The following EVA1C variants were observed in gnomAD, a reference collection of about 807,000 sequenced individuals.
The protein encoded by EVA1C is eva-1 homolog C.
A neutral mutation model predicts 45.4 loss-of-function variants in EVA1C; 25 were observed. The observed-to-expected ratio is 0.55, with a 90% CI of 0.40 to 0.77. The LOEUF (loss-of-function observed/expected upper bound fraction) is 0.77, where lower values mean the gene tolerates loss of function less well. Among genes scored for constraint, EVA1C ranks in the 30% least tolerant of loss-of-function variants. EVA1C has a pLI of 0.00. For synonymous variants in EVA1C, 190 were observed against 221.2 expected (o/e 0.86, Z 1.25); for missense variants, 479 against 554.8 (o/e 0.86, Z 1.37).
intron 7 of EVA1C, among the ~76,000 whole-genome samples, chr21:32,507,574 G>A (rs554419805): frequency 8.6e-5 from 13 of 152,030 alleles, no homozygotes; most frequent in Non-Finnish European, 1.6e-4. Context: ...GTGTGTGCAT[G>A]TGTATATGTG....
chr21:32,425,343 A>G (rs1480224996), intron 1 of EVA1C, among the ~76,000 whole-genome samples: 1 of 150,656 alleles, frequency 6.6e-6, no homozygotes, highest in Non-Finnish European at 1.5e-5. Context: ...TCAAAAAAAA[A>G]AAAAAAAAAA....
At chr21:32,496,780 T>C (rs1205744744) in intron 5 of EVA1C, 1 of 715,174 alleles carries the variant, frequency 1.4e-6, no homozygotes, top group African/African-American at 1.7e-5. Context: ...GAGACACTGC[T>C]GGGCTGGGGC....
chr21:32,419,216 A>G (rs1247755593), intron 1 of EVA1C, among the ~76,000 whole-genome samples: 1 of 152,162 alleles, frequency 6.6e-6, no homozygotes, highest in African/African-American at 2.4e-5. Flanking sequence ...TTTGGAGGTC[A>G]CTGATCTTCA....
intron 1 of EVA1C, among the ~76,000 whole-genome samples, chr21:32,446,937 T>A (rs1244974390): frequency 6.6e-6 from 1 of 152,194 alleles, no homozygotes; most frequent in Admixed American, 6.5e-5. Context: ...ATTCCCTCAC[T>A]CTGACCTTGC....
intron 1 of EVA1C, among the ~76,000 whole-genome samples, chr21:32,421,684 C>T (rs897528773): frequency 9.9e-5 from 15 of 152,266 alleles, no homozygotes; most frequent in Non-Finnish European, 5.9e-5. Flanking sequence ...ATTATGATCA[C>T]ACAATTCAAA....
intron 7 of EVA1C, among the ~76,000 whole-genome samples, chr21:32,511,290 T>C (rs1281711032): frequency 6.6e-6 from 1 of 151,432 alleles, no homozygotes; most frequent in Non-Finnish European, 1.5e-5. Context: ...GGCATGCACC[T>C]GTAATCCCAG....
chr21:32,485,986 G>A (rs2036960221), intron 4 of EVA1C, among the ~76,000 whole-genome samples: 1 of 152,210 alleles, frequency 6.6e-6, no homozygotes, highest in Non-Finnish European at 1.5e-5. Context: ...CACCTTGTAA[G>A]GTTTCGGCAT....
At chr21:32,483,151 G>A (rs1160911367) in intron 4 of EVA1C, among the ~76,000 whole-genome samples, 3 of 152,048 alleles carry the variant, frequency 2.0e-5, no homozygotes, top group Non-Finnish European at 2.9e-5. Context: ...GAGCCACCAC[G>A]CCCGGCCCTC....
intron 3 of EVA1C, among the ~76,000 whole-genome samples, chr21:32,459,957 T>A (rs1017722677): frequency 6.6e-6 from 1 of 151,892 alleles, no homozygotes; most frequent in East Asian, 1.9e-4. Context: ...ATGTTTGAAA[T>A]GTTTCATAAT....
chr21:32,460,125 G>C (rs921636132), intron 3 of EVA1C, among the ~76,000 whole-genome samples: 1 of 152,106 alleles, frequency 6.6e-6, no homozygotes, highest in Non-Finnish European at 1.5e-5. Context: ...CTTTGCACAG[G>C]AGTGGAATAT....
At chr21:32,513,052 A>G (rs2146481890) in intron 7 of EVA1C, among the ~76,000 whole-genome samples, 1 of 150,910 alleles carries the variant, frequency 6.6e-6, no homozygotes, top group African/African-American at 2.4e-5. Flanking sequence ...GCATTATAAT[A>G]CTTACAATAA....
chr21:32,500,631 C>G (rs1038655332), intron 5 of EVA1C, among the ~76,000 whole-genome samples: 1 of 151,748 alleles, frequency 6.6e-6, no homozygotes, highest in African/African-American at 2.4e-5. Flanking sequence ...CCATTCCCAC[C>G]CCCCCGGTCC....
intron 2 of EVA1C, among the ~76,000 whole-genome samples, chr21:32,455,513 C>T (rs543680064): frequency 3.3e-5 from 5 of 152,236 alleles, no homozygotes; most frequent in Admixed American, 1.3e-4. Flanking sequence ...TTGGGCGCCA[C>T]CCCAGGAGCT....
At chr21:32,495,191 A>G in intron 5 of EVA1C, 21 bp downstream of exon 5, 3 of 1,611,310 alleles carry the variant, frequency 1.9e-6, no homozygotes, top group Non-Finnish European at 2.5e-6. Context: ...ACCCCCGACC[A>G]GCTGCCTGAT....
chr21:32,461,120 G>T (rs985436816), intron 3 of EVA1C, among the ~76,000 whole-genome samples: 32 of 152,348 alleles, frequency 2.1e-4, no homozygotes, highest in African/African-American at 7.0e-4. Context: ...GCTGAGAACT[G>T]CAGGGATGGA....
intron 2 of EVA1C, among the ~76,000 whole-genome samples, chr21:32,454,190 C>T (rs1424401782): frequency 6.6e-6 from 1 of 152,162 alleles, no homozygotes; most frequent in African/African-American, 2.4e-5. Flanking sequence ...GATCATGCCA[C>T]TGCACTCTAG....
chr21:32,499,018 C>T (rs1371849332), intron 5 of EVA1C, among the ~76,000 whole-genome samples: 1 of 152,174 alleles, frequency 6.6e-6, no homozygotes, highest in Non-Finnish European at 1.5e-5. Context: ...GGGCACATTC[C>T]CTGCAGTGGC....
chr21:32,415,770 C>T (rs749302904), intron 1 of EVA1C, among the ~76,000 whole-genome samples: 8 of 152,128 alleles, frequency 5.3e-5, no homozygotes, highest in Non-Finnish European at 8.8e-5. Flanking sequence ...ATGTCGCCAG[C>T]GGCCACTGGA....
chr21:32,507,980 CAT>C (rs371358348), intron 7 of EVA1C, among the ~76,000 whole-genome samples: 44 of 148,166 alleles, frequency 3.0e-4, no homozygotes, highest in African/African-American at 6.7e-4. Flanking sequence ...TGTGTGCCTG[CAT>C]GTGTGTGTGT....
Sources: allele counts gnomAD v4.1 joint callset (sites outside exome capture counted in the v4.1 genomes callset), GRCh38; gene constraint gnomAD v4.1.1; transcripts MANE v1.5; gene names NCBI Gene and HGNC (gene_info 2026-07-23, HGNC 2026-07-21).